NECTIN3: variants seen among roughly 807,000 people sequenced by gnomAD.
The protein encoded by NECTIN3 is nectin cell adhesion molecule 3, also known as nectin-3.
A neutral mutation model predicts 49.4 loss-of-function variants in NECTIN3; 8 were observed. The ratio of observed to expected loss-of-function variants is 0.16; its 90% CI spans 0.10 to 0.29. The LOEUF is 0.29. NECTIN3 is among the 10% of genes least tolerant of loss of function. The probability of loss-of-function intolerance (pLI) is 1.00; values close to 1 mark genes in which losing one functional copy is unlikely to be tolerated. For synonymous variants in NECTIN3, 277 were observed against 241.1 expected, an observed-to-expected ratio of 1.15 and a Z score of -1.38; for missense variants, 581 against 654.6, an observed-to-expected ratio of 0.89 and a Z score of 1.23.
At chr3:111,163,518 A>G (rs2035258456) in intron 7 of NECTIN3, among the ~76,000 whole-genome samples, 1 of 152,236 alleles carries the variant, frequency 6.6e-6, no homozygotes, top group South Asian at 2.1e-4. Context: ...AATGTTTTGA[A>G]ACATGAAAAT....
At chr3:111,184,948 C>T (rs1213913855) in intron 7 of NECTIN3, among the ~76,000 whole-genome samples, 4 of 152,218 alleles carry the variant, frequency 2.6e-5, no homozygotes, top group Non-Finnish European at 5.9e-5. Context: ...GGATGTCTCA[C>T]ATGTTCAGTG....
chr3:111,091,000 T>C (rs1361417453), intron 1 of NECTIN3, among the ~76,000 whole-genome samples: 2 of 152,134 alleles, frequency 1.3e-5, no homozygotes, highest in Non-Finnish European at 2.9e-5. Flanking sequence ...TTTATTGATA[T>C]AATTCACATA....
chr3:111,177,760 T>C (rs553844188), intron 7 of NECTIN3, among the ~76,000 whole-genome samples: 2 of 152,232 alleles, frequency 1.3e-5, no homozygotes, highest in African/African-American at 2.4e-5. Context: ...AGCATGGTTT[T>C]CTGGTGTTAA....
intron 1 of NECTIN3, among the ~76,000 whole-genome samples, chr3:111,093,999 A>T (rs1372825970): frequency 6.6e-6 from 1 of 152,156 alleles, no homozygotes; most frequent in Admixed American, 6.5e-5. Context: ...AAATTGTGAC[A>T]GTTACTTTAT....
intron 1 of NECTIN3, chr3:111,193,418 A>C (rs1300772315): frequency 6.6e-7 from 1 of 1,511,304 alleles, no homozygotes. Flanking sequence ...ACAAATGTTT[A>C]TTCTTAGATT....
downstream of NECTIN3, among the ~76,000 whole-genome samples, chr3:111,140,051 G>A (rs976752807): frequency 6.6e-6 from 1 of 151,706 alleles, no homozygotes; most frequent in Non-Finnish European, 1.5e-5. Flanking sequence ...TGATTGAAAG[G>A]TCTGATATCA....
intron 1 of NECTIN3, 84 bp downstream of exon 1, chr3:111,072,261 T>C (rs1036601391): frequency 6.8e-7 from 1 of 1,474,882 alleles, no homozygotes; most frequent in African/African-American, 1.4e-5. Flanking sequence ...CCAGCCGTTC[T>C]CTGGAGCAGC....
intron 1 of NECTIN3, chr3:111,193,409 C>G: frequency 6.6e-7 from 1 of 1,519,734 alleles, no homozygotes. Context: ...GGCGTTCTAA[C>G]AAATGTTTAT....
intron 5 of NECTIN3, among the ~76,000 whole-genome samples, chr3:111,142,825 T>G (rs567524452): frequency 9.9e-5 from 15 of 151,962 alleles, no homozygotes; most frequent in African/African-American, 3.6e-4. Flanking sequence ...GTATTAACAT[T>G]GTCATCAAAA....
chr3:111,078,247 C>T (rs545931959), intron 1 of NECTIN3, among the ~76,000 whole-genome samples: 4 of 152,284 alleles, frequency 2.6e-5, no homozygotes, highest in African/African-American at 9.6e-5. Flanking sequence ...AATGACATTG[C>T]TCTTCCTACC....
At position 111,134,735 on chromosome 3, in the gene NECTIN3, T is replaced by C; in HGVS notation, c.*520T>C. The C allele has an allele frequency of 5.4e-6, 5 of 923,874 alleles. No individual in the cohort carries two copies. The highest frequency in any genetic ancestry group is 6.5e-6 in the Non-Finnish European group (5 of 774,156). 57.2% of individuals were successfully genotyped at this position (923,874 alleles called of 1,614,324 possible). On this transcript the variant is annotated 3_prime_UTR_variant, in exon 6 of 6. Transcript: ENST00000485303. ...AATATTTAGCCTGATGGAATGGCTT[T>C]CCTTTTCAAACATTATTTTCTAAGT...
At chr3:111,130,786 C>A (rs1293633944) in intron 5 of NECTIN3, among the ~76,000 whole-genome samples, 2 of 152,048 alleles carry the variant, frequency 1.3e-5, no homozygotes, top group African/African-American at 4.8e-5. Context: ...TAGTAATACT[C>A]TCAAGAGGTA....
chr3:111,120,121 A>T (rs2033881093), intron 3 of NECTIN3, among the ~76,000 whole-genome samples: 1 of 152,202 alleles, frequency 6.6e-6, no homozygotes, highest in South Asian at 2.1e-4. Context: ...CCTTGCTTTT[A>T]CAGAGTGTTA....
At chr3:111,124,585 G>C (rs2034084509) in intron 4 of NECTIN3, among the ~76,000 whole-genome samples, 1 of 152,108 alleles carries the variant, frequency 6.6e-6, no homozygotes, top group African/African-American at 2.4e-5. Flanking sequence ...TAAAGAAAAA[G>C]GTTAGGTGCT....
intron 5 of NECTIN3, among the ~76,000 whole-genome samples, chr3:111,128,323 CAA>C (rs879296773): frequency 9.5e-5 from 8 of 84,486 alleles, no homozygotes; most frequent in Non-Finnish European, 1.2e-4. Flanking sequence ...AACTCTGTCT[CAA>C]AAAAAAAAAA....
At chr3:111,108,553 G>C (rs1221024782) in intron 1 of NECTIN3, among the ~76,000 whole-genome samples, 1 of 151,998 alleles carries the variant, frequency 6.6e-6, no homozygotes, top group Non-Finnish European at 1.5e-5. Flanking sequence ...TAGTCCATTT[G>C]TGTTGCTATA....
In NECTIN3 at chr3:111,112,152, C is replaced by T; in HGVS notation, c.283C>T (p.His95Tyr). 1 of 1,613,790 alleles carries T rather than the reference C, an allele frequency of 6.2e-7. No homozygotes were observed. The highest frequency in any genetic ancestry group is 1.1e-5 in the South Asian group (1 of 91,074). Residue 95 changes from histidine to tyrosine, a missense_variant, in exon 2 of 6, where the codon CAT becomes TAT. By Grantham distance (83) the His-to-Tyr change is moderately conservative. Around this residue, in one of 3 missense-constraint regions of NECTIN3, gnomAD observed 234 missense variants for 340.6 expected, o/e 0.69. Coordinates refer to ENST00000485303, the MANE Select transcript of NECTIN3 (RefSeq NM_015480.3). ...AACACAGATTTCATGGGAGAAGATA[C>T]ATGGCAAAAGTTCACAGACTGTTGC... ...TITQISWEKI[H>Y]GKSSQTVAVH...
At chr3:111,161,996 A>C (rs889417259) in intron 7 of NECTIN3, among the ~76,000 whole-genome samples, 1 of 152,182 alleles carries the variant, frequency 6.6e-6, no homozygotes, top group African/African-American at 2.4e-5. Flanking sequence ...GAGAATCGCA[A>C]CTTAGCAGAT....
In NECTIN3 at chr3:111,124,203, A is replaced by G. The variant is rs140583820; in HGVS notation, c.917+1965A>G. On this transcript the variant is annotated intron_variant, in intron 4 of 5. Coordinates refer to ENST00000485303, the MANE Select transcript of NECTIN3 (RefSeq NM_015480.3). ...GATAGAGTGTTTCTAAAAGCCATACAACTCTGGATTCTCATCCCAATGTCT... is the reference window on the plus strand; with the variant it reads ...GATAGAGTGTTTCTAAAAGCCATACGACTCTGGATTCTCATCCCAATGTCT... Among the ~76,000 whole-genome samples, 1,346 of 152,246 alleles carry G rather than the reference A, an allele frequency of 8.8e-3. 9 individuals carry two copies. The highest frequency in any genetic ancestry group is 0.015 in the Non-Finnish European group (1,030 of 67,986).
Sources: allele counts gnomAD v4.1 joint callset (sites outside exome capture counted in the v4.1 genomes callset), GRCh38; gene constraint gnomAD v4.1.1; regional missense constraint gnomAD v4.1.1; transcripts MANE v1.5; gene names NCBI Gene and HGNC (gene_info 2026-07-23, HGNC 2026-07-21).